The following LHCGR variants were observed in gnomAD, a reference collection of about 807,000 sequenced individuals.
The protein encoded by LHCGR is luteinizing hormone/choriogonadotropin receptor.
LHCGR carries 55 observed loss-of-function variants against 60.7 expected under a neutral mutation model. That is an observed-to-expected ratio of 0.91 (90% CI 0.73 to 1.13). The LOEUF (loss-of-function observed/expected upper bound fraction) is 1.13, where lower values mean the gene tolerates loss of function less well. LHCGR is among the 50% of genes most tolerant of loss of function. LHCGR has a pLI of 0.00. For missense variants in LHCGR, 862 were observed against 836.0 expected (o/e 1.03, Z -0.38); for synonymous variants, 337 against 316.5 (o/e 1.06, Z -0.69).
At chr2:48,697,388 C>T (rs1230329354) in intron 9 of LHCGR, among the ~76,000 whole-genome samples, 1 of 152,214 alleles carries the variant, frequency 6.6e-6, no homozygotes, top group Non-Finnish European at 1.5e-5. Context: ...TAAATATTGG[C>T]TCTCTTGTGT....
intron 2 of LHCGR, 36 bp from the exon 3 acceptor site, chr2:48,729,263 C>A (rs1668878860): frequency 1.3e-6 from 2 of 1,490,986 alleles, no homozygotes; most frequent in East Asian, 2.3e-5. Context: ...GAGAAAGAAA[C>A]ATGAAAGAAA....
intron 10 of LHCGR, among the ~76,000 whole-genome samples, chr2:48,691,538 A>G (rs1238037349): frequency 6.6e-6 from 1 of 152,104 alleles, no homozygotes; most frequent in Non-Finnish European, 1.5e-5. Flanking sequence ...TAGATCATAA[A>G]TTTCTTAGCA....
chr2:48,728,089 T>G (rs1427520571), intron 3 of LHCGR, among the ~76,000 whole-genome samples: 2 of 13,874 alleles, frequency 1.4e-4, no homozygotes, highest in African/African-American at 1.6e-3. Context: ...CATTATGAGT[T>G]TTTTTTTTTT....
chr2:48,711,636 C>G (rs1667993422), intron 7 of LHCGR, among the ~76,000 whole-genome samples: 1 of 152,176 alleles, frequency 6.6e-6, no homozygotes, highest in Admixed American at 6.5e-5. Flanking sequence ...TTCCTGACCT[C>G]ACACAGACAT....
chr2:48,754,147 T>C (rs1670102312), intron 1 of LHCGR, among the ~76,000 whole-genome samples: 1 of 152,200 alleles, frequency 6.6e-6, no homozygotes, highest in African/African-American at 2.4e-5. Flanking sequence ...CTTCAGGGAA[T>C]GGACCTGACA....
chr2:48,713,061 T>G (rs1233858772), intron 7 of LHCGR, among the ~76,000 whole-genome samples: 1 of 152,200 alleles, frequency 6.6e-6, no homozygotes. Flanking sequence ...TCCTGAAGCT[T>G]GTTAAAATTG....
chr2:48,750,073 G>A (rs1371697608), intron 1 of LHCGR, among the ~76,000 whole-genome samples: 1 of 152,218 alleles, frequency 6.6e-6, no homozygotes, highest in Non-Finnish European at 1.5e-5. Context: ...TTTAGGGGTG[G>A]TTGTGGTGGT....
chr2:48,710,386 G>T (rs1462970511), intron 7 of LHCGR, among the ~76,000 whole-genome samples: 1 of 152,188 alleles, frequency 6.6e-6, no homozygotes, highest in Non-Finnish European at 1.5e-5. Context: ...ACTGGGCTCT[G>T]TGAGCAAATT....
At chr2:48,736,715 T>C (rs550714581) in intron 1 of LHCGR, among the ~76,000 whole-genome samples, 85 of 152,182 alleles carry the variant, frequency 5.6e-4, no homozygotes, top group Non-Finnish European at 1.1e-3. Flanking sequence ...ATAGAAGATT[T>C]GTTTTGTATG....
chr2:48,693,808 C>T (rs940951097), intron 10 of LHCGR, among the ~76,000 whole-genome samples: 3 of 152,160 alleles, frequency 2.0e-5, no homozygotes, highest in Non-Finnish European at 4.4e-5. Flanking sequence ...GTCGAGGTAG[C>T]CTAAGTCTCC....
chr2:48,708,195 C>G (rs1221409223), intron 8 of LHCGR, among the ~76,000 whole-genome samples: 1 of 152,142 alleles, frequency 6.6e-6, no homozygotes, highest in East Asian at 1.9e-4. Flanking sequence ...ACCCCTTTAA[C>G]TGAGAGAGCC....
At chr2:48,716,643 A>C (rs1460897527) in intron 6 of LHCGR, among the ~76,000 whole-genome samples, 2 of 152,192 alleles carry the variant, frequency 1.3e-5, no homozygotes, top group Admixed American at 6.5e-5. Context: ...GCATAATTAT[A>C]CACAACCTTG....
chr2:48,702,273 T>C (rs1179281094), intron 8 of LHCGR, among the ~76,000 whole-genome samples: 3 of 152,092 alleles, frequency 2.0e-5, no homozygotes, highest in African/African-American at 7.2e-5. Context: ...CTTTTTTTTT[T>C]TTTTAAATAC....
chr2:48,706,188 A>C (rs905427327), intron 8 of LHCGR, among the ~76,000 whole-genome samples: 1 of 152,178 alleles, frequency 6.6e-6, no homozygotes, highest in Non-Finnish European at 1.5e-5. Flanking sequence ...TCTGTGTTGA[A>C]AATTCTTTTC....
intron 1 of LHCGR, among the ~76,000 whole-genome samples, chr2:48,732,135 G>C (rs138637957): frequency 2.0e-5 from 3 of 152,194 alleles, no homozygotes; most frequent in Non-Finnish European, 4.4e-5. Context: ...GAATGCTAAA[G>C]GAACTGGAGG....
intron 1 of LHCGR, among the ~76,000 whole-genome samples, chr2:48,750,609 C>A (rs1414532611): frequency 6.6e-6 from 1 of 152,230 alleles, no homozygotes; most frequent in African/African-American, 2.4e-5. Flanking sequence ...AGCTGTAATA[C>A]ATGCTAGCTG....
rs142078213 is a variant in LHCGR at position 48,739,827 on chromosome 2, C to T, written c.162-8529G>A. Among the ~76,000 whole-genome samples, 928 of 152,078 alleles carry T rather than the reference C, an allele frequency of 6.1e-3. 8 individuals are homozygous for T. Among genetic ancestry groups the T allele is most frequent in the African/African-American group, 0.021 (876 of 41,508 alleles). ...TAAAGTATAATTAAAAAAAAAGGTC[C>T]GACAATTTGAGAAAGATGGCCGAAT... On this transcript the variant is annotated intron_variant, in intron 1 of 10. Coordinates refer to ENST00000294954, the MANE Select transcript of LHCGR (RefSeq NM_000233.4).
At chr2:48,709,326 C>G (rs1313918672) in intron 7 of LHCGR, among the ~76,000 whole-genome samples, 1 of 152,168 alleles carries the variant, frequency 6.6e-6, no homozygotes, top group East Asian at 1.9e-4. Flanking sequence ...TACCACCAGA[C>G]AGCTGGATAA....
intron 1 of LHCGR, among the ~76,000 whole-genome samples, chr2:48,750,914 C>A (rs929127874): frequency 1.3e-5 from 2 of 152,234 alleles, no homozygotes; most frequent in African/African-American, 4.8e-5. Context: ...AAACATTCTA[C>A]AAGGTTCAAA....
Sources: gnomAD v4.1 joint callset for allele counts (sites outside exome capture counted in the v4.1 genomes callset) on GRCh38, gnomAD v4.1.1 for gene constraint, MANE v1.5 for transcripts, NCBI Gene and HGNC (gene_info 2026-07-23, HGNC 2026-07-21) for gene names.